The following COL5A2 variants were observed in gnomAD, a reference collection of about 807,000 sequenced individuals.
COL5A2 encodes collagen alpha-2(V) chain.
Under a neutral mutation model 208.2 loss-of-function variants are expected in COL5A2, and 23 were observed. The ratio of observed to expected loss-of-function variants is 0.11; its 90% CI spans 0.08 to 0.16. The LOEUF (loss-of-function observed/expected upper bound fraction) is 0.16. COL5A2 is among the 10% of genes least tolerant of loss of function. COL5A2 has a pLI of 1.00. For missense variants in COL5A2, 1,590 were observed against 1,956.4 expected, an observed-to-expected ratio of 0.81 and a Z score of 3.53; for synonymous variants, 625 against 628.5, an observed-to-expected ratio of 0.99 and a Z score of 0.08.
chr2:189,216,276 A>G (rs1051239258), intron 1 of COL5A2, among the ~76,000 whole-genome samples: 22 of 152,268 alleles, frequency 1.4e-4, no homozygotes, highest in African/African-American at 5.1e-4. Flanking sequence ...GTAATGTCCC[A>G]AAGGTTCTAT....
intron 1 of COL5A2, among the ~76,000 whole-genome samples, chr2:189,188,097 T>C (rs1688878011): frequency 6.6e-6 from 1 of 152,222 alleles, no homozygotes; most frequent in Admixed American, 6.5e-5. Context: ...TTCTTTTATA[T>C]TATGTTTATT....
the COL5A2 span, among the ~76,000 whole-genome samples, chr2:189,313,499 C>T: frequency 1.3e-5 from 2 of 152,090 alleles, no homozygotes; most frequent in African/African-American, 4.8e-5. Flanking sequence ...CACTGAAGTA[C>T]ACAGACCAGT....
chr2:189,099,077 T>C (rs898524608), intron 4 of COL5A2, among the ~76,000 whole-genome samples: 1 of 152,194 alleles, frequency 6.6e-6, no homozygotes, highest in Admixed American at 6.5e-5. Flanking sequence ...CTTAAGGATC[T>C]TAAGTGGAAA....
At chr2:189,036,498 A>C (rs1228762271) in intron 52 of COL5A2, 118 bp downstream of exon 52, 1 of 820,754 alleles carries the variant, frequency 1.2e-6, no homozygotes, top group South Asian at 1.8e-5. Flanking sequence ...ATCACTTCAA[A>C]ATAAACATGG....
rs547175995 is a variant in COL5A2, at chr2:189,189,512, C to T, written c.-42+35636G>A. On this transcript the variant is annotated intron_variant, in intron 1 of 10. Transcript: ENST00000649966. ...CAGCCTGAGCAACATAATGAGACCCCATCTCTAAAACAAATAATAATAATA... is the reference window on the plus strand; with the variant it reads ...CAGCCTGAGCAACATAATGAGACCCTATCTCTAAAACAAATAATAATAATA... 2.8e-3 allele frequency among the ~76,000 whole-genome samples: 432 copies of T among 152,206 alleles called. 2 individuals are homozygous for T. Among genetic ancestry groups the T allele is most frequent in the South Asian group, 0.013 (61 of 4,826 alleles).
chr2:189,320,967 C>A, the COL5A2 span, among the ~76,000 whole-genome samples: 10 of 152,216 alleles, frequency 6.6e-5, no homozygotes. Flanking sequence ...CAGTGGATCT[C>A]TGGGCAGAAA....
At chr2:189,053,163 G>A in intron 38 of COL5A2, 145 bp from the exon 39 acceptor site, 1 of 771,024 alleles carries the variant, frequency 1.3e-6, no homozygotes, top group Non-Finnish European at 2.1e-6. Context: ...AGGAAAAAAA[G>A]TACTCTGATG....
chr2:189,419,336 G>T, the COL5A2 span, among the ~76,000 whole-genome samples: 2 of 152,022 alleles, frequency 1.3e-5, no homozygotes, highest in Non-Finnish European at 2.9e-5. Flanking sequence ...GTACACAAAA[G>T]TCACTAATGC....
chr2:189,295,351 C>T, the COL5A2 span, among the ~76,000 whole-genome samples: 1 of 152,214 alleles, frequency 6.6e-6, no homozygotes, highest in African/African-American at 2.4e-5. Context: ...AGCCTGTAAT[C>T]CCAGCACTTT....
rs1384133519 is a variant in COL5A2, at chr2:189,104,280, G to A, written c.323-3C>T. ...AACACTTACCTTTCTTCCTCTACCT[G>A]TAAAAAGAAAAGAGTAAATGTGTTA... On this transcript the variant is annotated splice_region_variant and splice_polypyrimidine_tract_variant and intron_variant, in intron 2 of 53. Transcript: ENST00000374866. The A allele has an allele frequency of 1.3e-6, 2 of 1,502,078 alleles. No individual in the cohort carries two copies. The highest frequency in any genetic ancestry group is 1.9e-6 in the Non-Finnish European group (2 of 1,080,630). The allele number at this position is 1,502,078 out of a possible 1,614,324, so 93.0% of individuals were successfully genotyped here.
At chr2:189,375,012 T>A in the COL5A2 span, among the ~76,000 whole-genome samples, 1 of 151,808 alleles carries the variant, frequency 6.6e-6, no homozygotes, top group African/African-American at 2.4e-5. Context: ...ATATTTATAT[T>A]TTTATATCTT....
chr2:189,185,814 T>C (rs1336546249), intron 1 of COL5A2, among the ~76,000 whole-genome samples: 4 of 152,166 alleles, frequency 2.6e-5, no homozygotes, highest in Non-Finnish European at 5.9e-5. Context: ...AAAATGATGA[T>C]TGAATGACCG....
rs1367455448 is a variant in COL5A2, at chr2:189,097,467, A to AT, written c.403-138_403-137insA. The AT allele has an allele frequency of 5.6e-6, 5 of 893,750 alleles. No homozygotes were observed. The African/African-American group carries it at 8.3e-5, about 15-fold the overall frequency. 55.4% of individuals were successfully genotyped at this position (893,750 alleles called of 1,614,324 possible). ...AGTTCAGTTGAAGACTATAGAGAAT[A>AT]AAGCCATGTGCATATAAAAGTTCTG... On this transcript the variant is annotated intron_variant, in intron 5 of 53. Coordinates refer to ENST00000374866, the MANE Select transcript of COL5A2 (RefSeq NM_000393.5).
the COL5A2 span, among the ~76,000 whole-genome samples, chr2:189,341,929 C>T: frequency 4.6e-5 from 7 of 152,002 alleles, no homozygotes; most frequent in South Asian, 2.1e-4. Context: ...ACTTTGTATC[C>T]GTATCACAGT....
intron 1 of COL5A2, among the ~76,000 whole-genome samples, chr2:189,194,090 A>G (rs975959096): frequency 6.6e-6 from 1 of 152,170 alleles, no homozygotes; most frequent in Admixed American, 6.5e-5. Flanking sequence ...CATCATTTTT[A>G]ATTTCTAAAA....
chr2:189,161,887 G>A (rs1200107429), intron 1 of COL5A2, among the ~76,000 whole-genome samples: 3 of 152,212 alleles, frequency 2.0e-5, no homozygotes, highest in Non-Finnish European at 4.4e-5. Context: ...ACCTTTTAGA[G>A]AAAAGAGAAA....
At chr2:189,151,816 C>T (rs989456352) in intron 1 of COL5A2, among the ~76,000 whole-genome samples, 19 of 152,106 alleles carry the variant, frequency 1.2e-4, no homozygotes, top group Non-Finnish European at 2.2e-4. Context: ...TTTGGTTAAA[C>T]TCTATCCTAG....
chr2:189,092,796 T>C (rs1350956021), intron 6 of COL5A2, among the ~76,000 whole-genome samples: 3 of 152,194 alleles, frequency 2.0e-5, no homozygotes, highest in Non-Finnish European at 4.4e-5. Flanking sequence ...GTCACTGAAA[T>C]TACAGTGGAT....
intron 49 of COL5A2, among the ~76,000 whole-genome samples, chr2:189,042,103 T>C (rs1685573968): frequency 6.6e-6 from 1 of 152,200 alleles, no homozygotes; most frequent in Admixed American, 6.5e-5. Context: ...TTATGTATGC[T>C]TTGTTTACAC....
Sources: allele counts gnomAD v4.1 joint callset (sites outside exome capture counted in the v4.1 genomes callset), GRCh38; gene constraint gnomAD v4.1.1; transcripts MANE v1.5; gene names NCBI Gene and HGNC (gene_info 2026-07-23, HGNC 2026-07-21).